Variants in COG3 observed in about 807,000 individuals in gnomAD.
COG3 encodes conserved oligomeric Golgi complex subunit 3.
A neutral mutation model predicts 114.1 loss-of-function variants in COG3; 32 were observed. The ratio of observed to expected loss-of-function variants is 0.28; its 90% CI spans 0.21 to 0.38. COG3 has a LOEUF of 0.38. Among genes scored for constraint, COG3 ranks in the 10% least tolerant of loss-of-function variants. COG3 has a pLI of 1.00. For missense variants in COG3, 813 were observed against 973.2 expected, an observed-to-expected ratio of 0.84 and a Z score of 2.19; for synonymous variants, 352 against 365.7, an observed-to-expected ratio of 0.96 and a Z score of 0.43.
chr13:45,487,548 A>C (rs1481614326), intron 8 of COG3, among the ~76,000 whole-genome samples: 3 of 152,226 alleles, frequency 2.0e-5, no homozygotes, highest in Non-Finnish European at 2.9e-5. Context: ...GAAGGCCCCA[A>C]ATAATCCCAT....
At chr13:45,494,897 G>A (rs1868567519) in intron 12 of COG3, among the ~76,000 whole-genome samples, 1 of 124,466 alleles carries the variant, frequency 8.0e-6, no homozygotes, top group African/African-American at 3.1e-5. Context: ...GTCTCGCTCT[G>A]TGCAGTGGCG....
rs1873524859 is a variant in COG3, at chr13:45,535,972, T to A, written c.*1241T>A. The A allele has an allele frequency of 1.6e-6, 1 of 626,432 alleles. No individual in the cohort carries two copies. Among genetic ancestry groups the A allele is most frequent in the South Asian group, 7.0e-5 (1 of 14,262 alleles). 38.8% of individuals were successfully genotyped at this position (626,432 alleles called of 1,614,324 possible). A position where few individuals can be genotyped will look rare whatever the true frequency, so the allele number is the denominator to read the frequency against. ...CCAGGGGACCTTTTGGTGCAGTGGG[T>A]GCCTGTAACTCATTAGACGTACTGA... On this transcript the variant is annotated 3_prime_UTR_variant, in exon 23 of 23. Coordinates refer to ENST00000349995, the MANE Select transcript of COG3 (RefSeq NM_031431.4).
chr13:45,484,610 T>C (rs1886459967), intron 7 of COG3, among the ~76,000 whole-genome samples: 1 of 150,344 alleles, frequency 6.7e-6, no homozygotes, highest in Non-Finnish European at 1.5e-5. Context: ...ATTTATTTAT[T>C]TATTTTTTTA....
chr13:45,503,518 C>G (rs1869772431), intron 14 of COG3, among the ~76,000 whole-genome samples, 169 bp downstream of exon 14: 1 of 152,080 alleles, frequency 6.6e-6, no homozygotes, highest in Non-Finnish European at 1.5e-5. Flanking sequence ...GAGTGAGATG[C>G]TAATGGTTTG....
At chr13:45,524,153 T>TAAATG (rs1272317753) in intron 19 of COG3, among the ~76,000 whole-genome samples, 1 of 152,172 alleles carries the variant, frequency 6.6e-6, no homozygotes, top group African/African-American at 2.4e-5. Flanking sequence ...TTGTATGGCC[T>TAAATG]TTTGTCTGAG....
At chr13:45,526,531 T>C (rs1872716585) in intron 20 of COG3, among the ~76,000 whole-genome samples, 2 of 152,214 alleles carry the variant, frequency 1.3e-5, no homozygotes, top group South Asian at 4.1e-4. Context: ...ATTTCAAAGG[T>C]TCCTCAGGTG....
intron 21 of COG3, 66 bp downstream of exon 21, chr13:45,529,984 A>G (rs1873025661): frequency 4.6e-6 from 7 of 1,528,136 alleles, no homozygotes; most frequent in East Asian, 2.4e-5. Context: ...CTCATTTACC[A>G]TTTTCCTTTT....
At position 45,516,169 on chromosome 13, in the gene COG3, A is replaced by C; in HGVS notation, c.1836A>C (p.Leu612Phe). The C allele has an allele frequency of 6.3e-7, 1 of 1,589,354 alleles. No homozygotes were observed. The highest frequency in any genetic ancestry group is 1.1e-5 in the South Asian group (1 of 87,540). Residue 612 changes from leucine to phenylalanine, a missense_variant, in exon 17 of 23, where the codon TTA becomes TTC. Transcript: ENST00000349995. ...NKTQIDGQLF[L>F]IKHLLILREQ... ...CTCAGATTGATGGACAACTTTTCTT[A>C]ATTAAGCACCTTTTGATACTTCGTG...
chr13:45,492,665 C>A (rs551408628), intron 11 of COG3, among the ~76,000 whole-genome samples: 3 of 152,092 alleles, frequency 2.0e-5, no homozygotes, highest in Admixed American at 1.3e-4. Context: ...TCTTTCAGAT[C>A]CACTGTTAGT....
intron 22 of COG3, among the ~76,000 whole-genome samples, chr13:45,531,502 G>A (rs1429027206): frequency 5.2e-5 from 4 of 76,336 alleles, no homozygotes; most frequent in African/African-American, 1.3e-4. Flanking sequence ...GATAAATCTT[G>A]TGTTTTTGTT....
chr13:45,475,738 G>A (rs905606867), intron 1 of COG3, among the ~76,000 whole-genome samples: 2 of 151,962 alleles, frequency 1.3e-5, no homozygotes, highest in Admixed American at 6.6e-5. Flanking sequence ...GCTAAGGTAG[G>A]AGGATCACTT....
At chr13:45,534,592 T>C in intron 22 of COG3, 110 bp from the exon 23 acceptor site, 3 of 612,818 alleles carry the variant, frequency 4.9e-6, no homozygotes, top group African/African-American at 3.8e-5. Flanking sequence ...CCTGGCTGTA[T>C]TGCATGATGC....
At chr13:45,473,419 T>C (rs978314186) in intron 1 of COG3, among the ~76,000 whole-genome samples, 1 of 152,170 alleles carries the variant, frequency 6.6e-6, no homozygotes, top group African/African-American at 2.4e-5. Context: ...GTGTGTTTTC[T>C]GGTATATTTT....
At chr13:45,505,300 G>A (rs1004940291) in intron 14 of COG3, among the ~76,000 whole-genome samples, 1 of 119,034 alleles carries the variant, frequency 8.4e-6, no homozygotes, top group Admixed American at 1.2e-4. Context: ...AATTAATCCT[G>A]CTTCCTTTTT....
chr13:45,494,257 G>C (rs1868450605), intron 12 of COG3, among the ~76,000 whole-genome samples: 1 of 151,446 alleles, frequency 6.6e-6, no homozygotes, highest in Non-Finnish European at 1.5e-5. Context: ...CCTGGGAGGG[G>C]GAGGTTGCAG....
chr13:45,510,238 T>G (rs1201547559), intron 15 of COG3, among the ~76,000 whole-genome samples: 1 of 152,198 alleles, frequency 6.6e-6, no homozygotes, highest in Non-Finnish European at 1.5e-5. Flanking sequence ...GACTGCACAG[T>G]TGTTTCATTG....
intron 12 of COG3, 116 bp from the exon 13 acceptor site, chr13:45,496,036 C>A: frequency 3.4e-6 from 3 of 870,886 alleles, no homozygotes; most frequent in African/African-American, 1.7e-5. Context: ...ACAATCACAG[C>A]CTCTGAAGCA....
intron 7 of COG3, 63 bp downstream of exon 7, chr13:45,483,418 C>G (rs764892112): frequency 7.0e-5 from 96 of 1,365,558 alleles, no homozygotes; most frequent in Non-Finnish European, 9.2e-5. Context: ...CATTCATCTT[C>G]CATAATCTTT....
chr13:45,529,551 G>A (rs1394122122), intron 20 of COG3, among the ~76,000 whole-genome samples: 1 of 151,942 alleles, frequency 6.6e-6, no homozygotes, highest in Non-Finnish European at 1.5e-5. Flanking sequence ...GCATGCTAGG[G>A]GAGTTATTTT....
Sources: allele counts gnomAD v4.1 joint callset (sites outside exome capture counted in the v4.1 genomes callset), GRCh38; gene constraint gnomAD v4.1.1; transcripts MANE v1.5; gene names NCBI Gene and HGNC (gene_info 2026-07-23, HGNC 2026-07-21).